SERPINE3: variants seen among roughly 807,000 people sequenced by gnomAD.
SERPINE3 encodes the protein serpin family E member 3.
A neutral mutation model predicts 41.7 loss-of-function variants in SERPINE3; 43 were observed. That is an observed-to-expected ratio of 1.03 (90% CI 0.81 to 1.33). The LOEUF is 1.33. Ranked by LOEUF, SERPINE3 falls within the 40% of genes most tolerant of loss-of-function variation. The probability of loss-of-function intolerance (pLI) is 0.00; values close to 1 mark genes in which losing one functional copy is unlikely to be tolerated. For missense variants in SERPINE3, 440 were observed against 491.7 expected, an observed-to-expected ratio of 0.89 and a Z score of 0.99; for synonymous variants, 200 against 192.2, an observed-to-expected ratio of 1.04 and a Z score of -0.34.
rs117663049 is a variant in SERPINE3 at position 51,353,293 on chromosome 13, A to G, written c.900-1750A>G. Among the ~76,000 whole-genome samples the G allele has an allele frequency of 8.5e-4, 129 of 152,352 alleles. 2 individuals carry two copies. In the East Asian group the frequency reaches 0.023, roughly 27 times the overall value. On this transcript the variant is annotated intron_variant, in intron 6 of 9. Transcript: ENST00000681248. Reference sequence around the variant, plus strand: ...AGCCCTTAATTAACTCTTTCTCAACATAATTGAAAAATAATTTAAAAATCA... The same window carrying G: ...AGCCCTTAATTAACTCTTTCTCAACGTAATTGAAAAATAATTTAAAAATCA...
intron 4 of SERPINE3, among the ~76,000 whole-genome samples, chr13:51,345,721 G>A (rs528882170): frequency 6.6e-6 from 1 of 151,870 alleles, no homozygotes; most frequent in South Asian, 2.1e-4. Context: ...TTGTGATAAA[G>A]TTCTCTCTCA....
At position 51,352,479 on chromosome 13, in the gene SERPINE3, T is replaced by G. The variant is rs116904891; in HGVS notation, c.900-2564T>G. On this transcript the variant is annotated intron_variant, in intron 6 of 9. Coordinates refer to ENST00000681248, the MANE Select transcript of SERPINE3 (RefSeq NM_001386375.1). ...TTTATTAGCTCTGATAGGTTTTTTT[T>G]TGTGTGTGTGGATTCTTTAGGGTTT... 8.7e-3 allele frequency among the ~76,000 whole-genome samples: 1,324 copies of G among 152,118 alleles called. 7 individuals carry two copies. Among genetic ancestry groups the G allele is most frequent in the African/African-American group, 0.023 (953 of 41,524 alleles).
intron 9 of SERPINE3, 156 bp downstream of exon 9, chr13:51,362,049 A>G: frequency 6.3e-7 from 1 of 1,581,074 alleles, no homozygotes; most frequent in Non-Finnish European, 8.5e-7. Context: ...CTATCCTAAG[A>G]AAGGGGACTA....
rs367969906 is a variant in SERPINE3 at position 51,341,096 on chromosome 13, C to A, written c.5C>A (p.Pro2Gln). 6.2e-7 allele frequency: 1 copy of A among 1,613,692 alleles called. No homozygotes were observed. Among genetic ancestry groups the A allele is most frequent in the East Asian group, 2.2e-5 (1 of 44,878 alleles). M[P>Q]PFLITLFLFH... ...GCAGGAACCCTCCCAGCCTCCATGC[C>A]GCCTTTCCTGATCACCCTCTTCCTC... Residue 2 changes from proline to glutamine, a missense_variant, in exon 3 of 10, where the codon CCG (proline) becomes CAG (glutamine). Physicochemically the swap from Pro to Gln is moderately conservative, Grantham distance 76. Coordinates refer to ENST00000681248, the MANE Select transcript of SERPINE3 (RefSeq NM_001386375.1).
rs1041836519 is a variant in SERPINE3 at position 51,344,368 on chromosome 13, C to T, written c.373C>T (p.Pro125Ser). The change falls in exon 4 of 10, where the codon CCC (proline) becomes TCC (serine). Residue 125 changes from proline (P) to serine (S), a missense_variant. By Grantham distance (74) the Pro-to-Ser change is moderately conservative (BLOSUM62 -1). Transcript: ENST00000681248. ...TGTGCAAGTGGGAACGCCACTGTCC[C>T]CCTGCTTTGTGGAGCACGTCTCCTG... ...LFVQVGTPLS[P>S]CFVEHVSWWA... 3.7e-6 allele frequency: 6 copies of T among 1,613,546 alleles called. No individual in the cohort carries two copies. In the African/African-American group the frequency reaches 8.0e-5, roughly 22 times the overall value.
intron 9 of SERPINE3, chr13:51,362,769 C>T (rs1487488713): frequency 6.6e-6 from 1 of 152,524 alleles, no homozygotes; most frequent in African/African-American, 2.4e-5. Flanking sequence ...ATACTGTCAA[C>T]ATCATTTTAT....
chr13:51,364,313 T>C lies in SERPINE3; in HGVS notation c.*31T>C. The C allele has an allele frequency of 1.5e-6, 2 of 1,315,956 alleles. No individual in the cohort carries two copies. Among genetic ancestry groups the C allele is most frequent in the Non-Finnish European group, 2.1e-6 (2 of 963,590 alleles). 81.5% of individuals were successfully genotyped at this position (1,315,956 alleles called of 1,614,324 possible). A position where few individuals can be genotyped will look rare whatever the true frequency, so the allele number is the denominator to read the frequency against. On this transcript the variant is annotated 3_prime_UTR_variant, in exon 10 of 10. Transcript: ENST00000681248. ...TGTTCTCCACTTTCATCAATGCTTT[T>C]CTTCATAAAGTTATAATTTCATTTT...
At position 51,361,199 on chromosome 13, in the gene SERPINE3, C is replaced by G. The variant is rs189213144; in HGVS notation, c.1001-79C>G. The G allele has an allele frequency of 5.9e-5, 55 of 930,514 alleles. No homozygotes were observed. In the African/African-American group the frequency reaches 7.9e-4, roughly 13 times the overall value. The allele number at this position is 930,514 out of a possible 1,614,324, so 57.6% of individuals were successfully genotyped here. Reference sequence around the variant, plus strand: ...TTGGATACTATAAATTTTGTAAGTACATTTTTAAAGAATGTGTTCTAAATG... The same window carrying G: ...TTGGATACTATAAATTTTGTAAGTAGATTTTTAAAGAATGTGTTCTAAATG... On this transcript the variant is annotated intron_variant, in intron 7 of 9. Coordinates refer to ENST00000681248, the MANE Select transcript of SERPINE3 (RefSeq NM_001386375.1).
rs777388621 is a variant in SERPINE3 at position 51,347,138 on chromosome 13, T to G, written c.604T>G (p.Phe202Val). Reference sequence around the variant, plus strand: ...CTTCCAAGGCACTTGGCGAAAGAGATTCTCCTCCACAGACACACAGATCCT... The same window carrying G: ...CTTCCAAGGCACTTGGCGAAAGAGAGTCTCCTCCACAGACACACAGATCCT... The part of the protein sequence containing the change: ...MSFQGTWRKR[F>V]SSTDTQILPF... The change falls in exon 5 of 10, where the codon TTC becomes GTC. Residue 202 changes from phenylalanine (F) to valine (V), a missense_variant. Physicochemically the swap from Phe to Val is conservative, Grantham distance 50 (BLOSUM62 -1). Coordinates refer to ENST00000681248, the MANE Select transcript of SERPINE3 (RefSeq NM_001386375.1). 1.9e-6 allele frequency: 3 copies of G among 1,613,832 alleles called. No homozygotes were observed. Among genetic ancestry groups the G allele is most frequent in the East Asian group, 2.2e-5 (1 of 44,854 alleles).
intron 3 of SERPINE3, among the ~76,000 whole-genome samples, 188 bp downstream of exon 3, chr13:51,341,535 T>C (rs530803341): frequency 6.6e-6 from 1 of 152,336 alleles, no homozygotes; most frequent in Admixed American, 6.5e-5. Context: ...CAGCTCCCTA[T>C]GGTGTGCACA....
chr13:51,343,675 C>T (rs1384330421), intron 3 of SERPINE3, among the ~76,000 whole-genome samples: 1 of 152,152 alleles, frequency 6.6e-6, no homozygotes, highest in Non-Finnish European at 1.5e-5. Flanking sequence ...CTTACTTTTC[C>T]TCTGTATTTC....
intron 1 of SERPINE3, among the ~76,000 whole-genome samples, 187 bp downstream of exon 1, chr13:51,339,930 A>AAGAAAGAGAG (rs1955274027): frequency 6.6e-6 from 1 of 152,048 alleles, no homozygotes; most frequent in African/African-American, 2.4e-5. Context: ...CACACATAGA[A>AAGAAAGAGAG]AGAAAGAGAG....
chr13:51,349,203 C>T (rs572697081), intron 6 of SERPINE3, among the ~76,000 whole-genome samples: 3 of 152,334 alleles, frequency 2.0e-5, no homozygotes, highest in African/African-American at 7.2e-5. Context: ...CCTCTCTCCA[C>T]TGCCTGGGCT....
At chr13:51,351,348 G>C (rs1955400982) in intron 6 of SERPINE3, among the ~76,000 whole-genome samples, 1 of 152,062 alleles carries the variant, frequency 6.6e-6, no homozygotes, top group South Asian at 2.1e-4. Context: ...ATTCTAGTTG[G>C]TGTGAAGTAG....
chr13:51,348,407 C>T lies in SERPINE3; in HGVS notation c.895C>T (p.Pro299Ser), dbSNP rs752960774. 2.5e-6 allele frequency: 4 copies of T among 1,612,774 alleles called. No individual in the cohort carries two copies. Among genetic ancestry groups the T allele is most frequent in the Non-Finnish European group, 3.4e-6 (4 of 1,179,456 alleles). ...GAGAGCCAGGATGGATGTGTTCCTGCCCAGGTGAGCAGCTGAGTCCCCCTC... is the reference window on the plus strand; with the variant it reads ...GAGAGCCAGGATGGATGTGTTCCTGTCCAGGTGAGCAGCTGAGTCCCCCTC... ...LRRARMDVFL[P>S]RFRIQNQFNL... Residue 299 changes from proline to serine, a missense_variant, in exon 6 of 10, where the codon CCC (proline) becomes TCC (serine). Pro to Ser is a moderately conservative substitution (Grantham distance 74, BLOSUM62 -1). Coordinates refer to ENST00000681248, the MANE Select transcript of SERPINE3 (RefSeq NM_001386375.1).
In SERPINE3 at chr13:51,341,257, G is replaced by C. The variant is rs1400847781; in HGVS notation, c.166G>C (p.Gly56Arg). 3 of 1,614,010 alleles carry C rather than the reference G, an allele frequency of 1.9e-6. No homozygotes were observed. In the Admixed American group the frequency reaches 5.0e-5, roughly 27 times the overall value. The change falls in exon 3 of 10, where the codon GGT (glycine) becomes CGT (arginine). Residue 56 changes from glycine to arginine, a missense_variant. Gly to Arg is a moderately radical substitution (Grantham distance 125). Transcript: ENST00000681248. ...GACGAACTTTGTCATCTCTCCTGCT[G>C]GTGTGTCCCTCCCCCTGGAGATCCT... ...NETNFVISPAGVSLPLEILQF... is the reference protein window; with the variant it reads ...NETNFVISPARVSLPLEILQF...
At chr13:51,357,701 A>T (rs901605794) in intron 7 of SERPINE3, among the ~76,000 whole-genome samples, 2 of 152,004 alleles carry the variant, frequency 1.3e-5, no homozygotes, top group African/African-American at 2.4e-5. Flanking sequence ...GATGTTATGC[A>T]GCTTTTAAGA....
intron 3 of SERPINE3, among the ~76,000 whole-genome samples, chr13:51,343,465 C>T (rs1955314867): frequency 6.6e-6 from 1 of 152,176 alleles, no homozygotes; most frequent in Non-Finnish European, 1.5e-5. Context: ...AAAACAAAAT[C>T]CACTATTGAT....
Position 51,347,332 on chromosome 13 carries a change from T to A in SERPINE3, c.700+98T>A, listed in dbSNP as rs565005578. ...GGTCCCTGCTCCTAAGGGATCGGGA[T>A]GTGTTTCCGCAGGGTCCATCTGCTG... On this transcript the variant is annotated intron_variant, in intron 5 of 9. Transcript: ENST00000681248. 1.5e-4 allele frequency: 160 copies of A among 1,049,008 alleles called. 1 individual carries two copies. The highest frequency in any genetic ancestry group is 1.4e-3 in the South Asian group (99 of 70,672). 65.0% of individuals were successfully genotyped at this position (1,049,008 alleles called of 1,614,324 possible).
Sources: gnomAD v4.1 joint callset for allele counts (sites outside exome capture counted in the v4.1 genomes callset) on GRCh38, gnomAD v4.1.1 for gene constraint, MANE v1.5 for transcripts, NCBI Gene and HGNC (gene_info 2026-07-23, HGNC 2026-07-21) for gene names.